The following ABCG2 variants were observed in gnomAD, a reference collection of about 807,000 sequenced individuals.
ABCG2 encodes the protein broad substrate specificity ATP-binding cassette transporter ABCG2.
ABCG2 carries 80 observed loss-of-function variants against 73.5 expected under a neutral mutation model. The observed-to-expected ratio is 1.09, with a 90% CI of 0.91 to 1.31. ABCG2 has a LOEUF of 1.31. Among genes scored for constraint, ABCG2 ranks in the 50% most tolerant of loss-of-function variants. The pLI, the probability that ABCG2 is intolerant of heterozygous loss-of-function variation, is 0.00. For missense variants in ABCG2, 796 were observed against 786.2 expected, an observed-to-expected ratio of 1.01 and a Z score of -0.15; for synonymous variants, 269 against 282.4, an observed-to-expected ratio of 0.95 and a Z score of 0.48.
rs1419095911 is a variant in ABCG2 at position 88,121,925 on chromosome 4, G to C, written c.532-133C>G. 13 of 855,064 alleles carry C rather than the reference G, an allele frequency of 1.5e-5. No homozygotes were observed. The East Asian group carries it at 3.4e-4, about 22-fold the overall frequency. The allele number at this position is 855,064 out of a possible 1,614,324, so 53.0% of individuals were successfully genotyped here. On this transcript the variant is annotated intron_variant, in intron 5 of 15. Transcript: ENST00000237612. Reference sequence around the variant, plus strand: ...ATTTATTCTGAACAGCAAATAAGTGGATACCTGGTAGAAAAAGTAGGTATC... The same window carrying C: ...ATTTATTCTGAACAGCAAATAAGTGCATACCTGGTAGAAAAAGTAGGTATC...
intron 6 of ABCG2, among the ~76,000 whole-genome samples, chr4:88,121,071 T>C (rs977168349): frequency 2.0e-5 from 3 of 152,212 alleles, no homozygotes; most frequent in East Asian, 1.9e-4. Flanking sequence ...ATGCTAGCAG[T>C]GTACACAAAA....
chr4:88,105,147 G>A (rs1266739492), intron 10 of ABCG2, among the ~76,000 whole-genome samples: 1 of 152,156 alleles, frequency 6.6e-6, no homozygotes, highest in African/African-American at 2.4e-5. Flanking sequence ...CTGGTAAACT[G>A]CTGTTTAATA....
intron 1 of ABCG2, among the ~76,000 whole-genome samples, 193 bp from the exon 2 acceptor site, chr4:88,140,207 T>G (rs1355285348): frequency 6.6e-6 from 1 of 152,174 alleles, no homozygotes; most frequent in Non-Finnish European, 1.5e-5. Flanking sequence ...CAACTTGGAA[T>G]GCATAAACTC....
chr4:88,144,932 AAAC>A (rs1331293536), intron 1 of ABCG2, among the ~76,000 whole-genome samples: 1 of 152,132 alleles, frequency 6.6e-6, no homozygotes, highest in Admixed American at 6.5e-5. Context: ...GCGCAACTCA[AAAC>A]AACATTTTCA....
At position 88,158,432 on chromosome 4, in the gene ABCG2, A is replaced by G; in HGVS notation, c.-66T>C. The G allele has an allele frequency of 2.2e-6, 1 of 447,198 alleles. No individual in the cohort carries two copies. Among genetic ancestry groups the G allele is most frequent in the South Asian group, 1.6e-5 (1 of 62,652 alleles). 27.7% of individuals were successfully genotyped at this position (447,198 alleles called of 1,614,324 possible). On this transcript the variant is annotated 5_prime_UTR_variant, in exon 1 of 16. Transcript: ENST00000237612. ...TTAACCAAAGGCTCAGGATCTCAGG[A>G]TGCGTGCGCTCGGAGGCAGCGCTTT...
chr4:88,133,920 C>T (rs1390415032), intron 2 of ABCG2, among the ~76,000 whole-genome samples: 1 of 151,874 alleles, frequency 6.6e-6, no homozygotes, highest in South Asian at 2.1e-4. Flanking sequence ...ATCACTTGAA[C>T]CCAGGAGGTG....
chr4:88,128,920 T>C (rs1724633711), intron 5 of ABCG2, among the ~76,000 whole-genome samples: 1 of 152,118 alleles, frequency 6.6e-6, no homozygotes, highest in Non-Finnish European at 1.5e-5. Flanking sequence ...TAGTGAAAGA[T>C]AAAATTTTTT....
chr4:88,217,442 C>T (rs1294917743), intron 1 of ABCG2, among the ~76,000 whole-genome samples: 2 of 152,160 alleles, frequency 1.3e-5, no homozygotes, highest in African/African-American at 4.8e-5. Context: ...GAGCAGATCA[C>T]TTGAGGTCAG....
intron 15 of ABCG2, 98 bp from the exon 16 acceptor site, chr4:88,092,479 C>G: frequency 7.6e-7 from 1 of 1,311,410 alleles, no homozygotes; most frequent in Admixed American, 2.4e-5. Context: ...AAAATTGAAC[C>G]AAGCCTTTAA....
At chr4:88,197,131 C>T (rs1728965176) in intron 1 of ABCG2, among the ~76,000 whole-genome samples, 1 of 150,584 alleles carries the variant, frequency 6.6e-6, no homozygotes, top group Non-Finnish European at 1.5e-5. Flanking sequence ...ACCTCACCAC[C>T]ACATCAGGAA....
intron 1 of ABCG2, among the ~76,000 whole-genome samples, chr4:88,189,838 G>A (rs1728612191): frequency 1.3e-5 from 2 of 152,166 alleles, no homozygotes; most frequent in Admixed American, 1.3e-4. Flanking sequence ...TCAGTTTGAT[G>A]GCACCATTGA....
At chr4:88,117,906 G>A (rs947126556) in intron 7 of ABCG2, among the ~76,000 whole-genome samples, 13 of 152,100 alleles carry the variant, frequency 8.5e-5, no homozygotes, top group Non-Finnish European at 1.9e-4. Context: ...ATTGAAATAA[G>A]ACAAGAAAGA....
At chr4:88,132,911 GAA>G (rs776005606) in intron 2 of ABCG2, among the ~76,000 whole-genome samples, 2 of 138,626 alleles carry the variant, frequency 1.4e-5, no homozygotes, top group African/African-American at 5.3e-5. Flanking sequence ...TCTACTTAAA[GAA>G]AAAAAAAAAA....
chr4:88,186,669 C>T (rs926807847), intron 1 of ABCG2, among the ~76,000 whole-genome samples: 2 of 151,814 alleles, frequency 1.3e-5, no homozygotes, highest in African/African-American at 4.8e-5. Context: ...CCTGTAATCC[C>T]AGCACTTTGG....
chr4:88,156,370 CAAAAAAAAAAAA>C (rs56029010), intron 1 of ABCG2, among the ~76,000 whole-genome samples: 1 of 69,092 alleles, frequency 1.4e-5, no homozygotes, highest in African/African-American at 6.4e-5. Flanking sequence ...GACTCCGTCT[CAAAAAAAAAAAA>C]AAAAAAAAAA....
chr4:88,168,075 G>A (rs1479160633), intron 1 of ABCG2, among the ~76,000 whole-genome samples: 2 of 152,100 alleles, frequency 1.3e-5, no homozygotes, highest in South Asian at 4.2e-4. Flanking sequence ...CATCGGGGAG[G>A]GGGCAGGGGA....
At chr4:88,097,378 A>G in intron 13 of ABCG2, 75 bp downstream of exon 13, 1 of 1,550,258 alleles carries the variant, frequency 6.5e-7, no homozygotes, top group South Asian at 1.2e-5. Context: ...CAGGTTTTAC[A>G]TGACAAGTGA....
upstream of ABCG2, among the ~76,000 whole-genome samples, chr4:88,164,242 T>A (rs553922490): frequency 6.6e-6 from 1 of 152,220 alleles, no homozygotes; most frequent in Non-Finnish European, 1.5e-5. Context: ...ATTTTTGTAT[T>A]TTTAGTAGAG....
At chr4:88,185,348 G>C (rs1728410395) in intron 1 of ABCG2, among the ~76,000 whole-genome samples, 1 of 152,174 alleles carries the variant, frequency 6.6e-6, no homozygotes, top group Admixed American at 6.6e-5. Context: ...TGGACAACAA[G>C]AGTGAAACTC....
Sources: gnomAD v4.1 joint callset for allele counts (sites outside exome capture counted in the v4.1 genomes callset) on GRCh38, gnomAD v4.1.1 for gene constraint, MANE v1.5 for transcripts, NCBI Gene and HGNC (gene_info 2026-07-23, HGNC 2026-07-21) for gene names.